Variants in MLLT10 observed in about 807,000 individuals in gnomAD.
MLLT10 encodes MLLT10 histone lysine methyltransferase DOT1L cofactor.
In MLLT10, 30 loss-of-function variants were observed where a neutral mutation model predicts 129.1. That is an observed-to-expected ratio of 0.23 (90% confidence interval 0.17 to 0.32). MLLT10 has a LOEUF of 0.32. Among genes scored for constraint, MLLT10 ranks in the 10% least tolerant of loss-of-function variants. The probability of loss-of-function intolerance (pLI) is 1.00; values close to 1 mark genes in which losing one functional copy is unlikely to be tolerated. For synonymous variants in MLLT10, 490 were observed against 446.4 expected (o/e 1.10, Z -1.23); for missense variants, 1,119 against 1,268.3 (o/e 0.88, Z 1.79).
chr10:21,720,389 G>A (rs1242695548), intron 14 of MLLT10, among the ~76,000 whole-genome samples: 2 of 152,272 alleles, frequency 1.3e-5, no homozygotes, highest in East Asian at 1.9e-4. Flanking sequence ...CCTTACTGGC[G>A]GTAGCTGACA....
chr10:21,612,717 T>C (rs1477388010), intron 6 of MLLT10, among the ~76,000 whole-genome samples: 7 of 152,194 alleles, frequency 4.6e-5, no homozygotes, highest in Admixed American at 6.5e-5. Flanking sequence ...TTGGTATTGA[T>C]TACCTATCCT....
At chr10:21,686,094 C>A (rs535183667) in intron 13 of MLLT10, among the ~76,000 whole-genome samples, 5 of 152,242 alleles carry the variant, frequency 3.3e-5, no homozygotes. Context: ...ATCATTTTTA[C>A]AAGCATTTAA....
intron 9 of MLLT10, 36 bp from the exon 10 acceptor site, chr10:21,670,413 A>C (rs1007219184): frequency 2.6e-6 from 4 of 1,566,196 alleles, no homozygotes; most frequent in Non-Finnish European, 3.5e-6. Flanking sequence ...AATGTAATCA[A>C]CTCTTTTTCC....
chr10:21,638,362 C>T (rs1479107976), intron 8 of MLLT10, among the ~76,000 whole-genome samples: 1 of 152,006 alleles, frequency 6.6e-6, no homozygotes, highest in Non-Finnish European at 1.5e-5. Flanking sequence ...ATCATTTCCT[C>T]TTATACCTTC....
intron 9 of MLLT10, chr10:21,661,509 T>TA (rs2050200061): frequency 1.3e-5 from 2 of 152,254 alleles, no homozygotes; most frequent in Non-Finnish European, 1.5e-5. Flanking sequence ...CTTATTTTAT[T>TA]ACTCTCTTTA....
intron 14 of MLLT10, among the ~76,000 whole-genome samples, chr10:21,717,611 T>A (rs1379197581): frequency 8.8e-6 from 1 of 113,640 alleles, no homozygotes; most frequent in African/African-American, 3.4e-5. Context: ...CTTCCTCTTC[T>A]TCCTCCTCTT....
rs566512250 is a variant in MLLT10, at chr10:21,623,420, A to G, written c.699+6213A>G. Among the ~76,000 whole-genome samples the G allele has an allele frequency of 2.6e-5, 4 of 152,350 alleles. No homozygotes were observed. The South Asian group carries it at 8.3e-4, about 32-fold the overall frequency. On this transcript the variant is annotated intron_variant, in intron 8 of 22. Transcript: ENST00000307729. Reference sequence around the variant, plus strand: ...CAAAGAGTTTTACAAGCTCTGTGCCAGGAATCTGAGAATAAGACCAAATAT... The same window carrying G: ...CAAAGAGTTTTACAAGCTCTGTGCCGGGAATCTGAGAATAAGACCAAATAT...
intron 14 of MLLT10, among the ~76,000 whole-genome samples, chr10:21,725,401 C>T (rs965676697): frequency 4.6e-5 from 7 of 152,024 alleles, no homozygotes; most frequent in Non-Finnish European, 1.0e-4. Context: ...TACCTTCCAA[C>T]GTGCCAGTTC....
At chr10:21,660,876 A>T (rs952902763) in intron 9 of MLLT10, among the ~76,000 whole-genome samples, 27 of 141,864 alleles carry the variant, frequency 1.9e-4, no homozygotes, top group South Asian at 4.4e-4. Flanking sequence ...TGTCTCAAAA[A>T]AAAAAAAAAA....
rs1327986462 is a variant in MLLT10 at position 21,743,472 on chromosome 10, T to A, written c.*1489T>A. On this transcript the variant is annotated 3_prime_UTR_variant, in exon 23 of 23. Coordinates refer to ENST00000307729, the MANE Select transcript of MLLT10 (RefSeq NM_001195626.3). Reference sequence around the variant, plus strand: ...TTTTGTAGATAATTTAAAAAATCAGTGTGGTTTATTTTACTTATTTAACCC... The same window carrying A: ...TTTTGTAGATAATTTAAAAAATCAGAGTGGTTTATTTTACTTATTTAACCC... 4 of 191,160 alleles carry A rather than the reference T, an allele frequency of 2.1e-5. No individual in the cohort carries two copies. The highest frequency in any genetic ancestry group is 9.3e-5 in the African/African-American group (4 of 43,036). 11.8% of individuals were successfully genotyped at this position (191,160 alleles called of 1,614,324 possible). A position where few individuals can be genotyped will look rare whatever the true frequency, so the allele number is the denominator to read the frequency against.
At chr10:21,539,935 ACT>A (rs1425098976) in intron 3 of MLLT10, among the ~76,000 whole-genome samples, 3 of 149,360 alleles carry the variant, frequency 2.0e-5, no homozygotes, top group South Asian at 4.2e-4. Context: ...ACAGAGCAAG[ACT>A]CTCAGGAAAG....
Position 21,733,603 on chromosome 10 carries a change from T to G in MLLT10, c.2496+11T>G, listed in dbSNP as rs768306244. On this transcript the variant is annotated intron_variant, in intron 19 of 22. Transcript: ENST00000307729. ...CCTGTATTAAATCAGGTAATTTTTG[T>G]ATGGTTATTTTCATCTATGTTGATT... The G allele has an allele frequency of 9.8e-6, 15 of 1,522,992 alleles. No homozygotes were observed. In the African/African-American group the frequency reaches 2.1e-4, roughly 21 times the overall value. The allele number at this position is 1,522,992 out of a possible 1,614,324, so 94.3% of individuals were successfully genotyped here.
chr10:21,687,678 G>A (rs2053439413), intron 13 of MLLT10, among the ~76,000 whole-genome samples: 4 of 152,148 alleles, frequency 2.6e-5, no homozygotes, highest in Admixed American at 2.6e-4. Context: ...AAAAGGGGAA[G>A]GGAACTAGGC....
chr10:21,608,375 CTA>C (rs2044271487), intron 5 of MLLT10, among the ~76,000 whole-genome samples: 3 of 151,212 alleles, frequency 2.0e-5, no homozygotes, highest in Admixed American at 2.0e-4. Context: ...TGAGGTTTTG[CTA>C]TGTTTTCCAG....
At chr10:21,727,260 C>T (rs1021571214) in intron 15 of MLLT10, among the ~76,000 whole-genome samples, 1 of 152,138 alleles carries the variant, frequency 6.6e-6, no homozygotes, top group African/African-American at 2.4e-5. Flanking sequence ...TATGATATTA[C>T]CTAAGGAATA....
intron 3 of MLLT10, chr10:21,556,833 C>T (rs772838770): frequency 1.2e-5 from 18 of 1,555,660 alleles, no homozygotes; most frequent in Middle Eastern, 1.7e-4. Flanking sequence ...CAGTCATTTA[C>T]CACTTGTCAT....
chr10:21,563,392 G>A (rs1176119018), intron 3 of MLLT10, among the ~76,000 whole-genome samples: 1 of 151,808 alleles, frequency 6.6e-6, no homozygotes, highest in African/African-American at 2.4e-5. Context: ...GTGTGATGGC[G>A]GGCACCTGTA....
intron 13 of MLLT10, among the ~76,000 whole-genome samples, chr10:21,685,739 A>G (rs2053234908): frequency 6.6e-6 from 1 of 152,322 alleles, no homozygotes; most frequent in African/African-American, 2.4e-5. Flanking sequence ...GCAAAGAACC[A>G]AGTTACTATA....
At chr10:21,701,284 AT>A (rs57132583) in intron 13 of MLLT10, among the ~76,000 whole-genome samples, 7,153 of 123,868 alleles carry the variant, frequency 0.058, 220 homozygotes, top group African/African-American at 0.096. Context: ...CATTTCATTG[AT>A]TTTTTTTTTT....
Sources: gnomAD v4.1 joint callset for allele counts (sites outside exome capture counted in the v4.1 genomes callset) on GRCh38, gnomAD v4.1.1 for gene constraint, MANE v1.5 for transcripts, NCBI Gene and HGNC (gene_info 2026-07-23, HGNC 2026-07-21) for gene names.